The following ADGRB3 variants were observed in gnomAD, a reference collection of about 807,000 sequenced individuals.
ADGRB3 encodes the protein brain-specific angiogenesis inhibitor 3.
In ADGRB3, 37 loss-of-function variants were observed where a neutral mutation model predicts 193.4. The observed-to-expected ratio is 0.19, with a 90% CI of 0.15 to 0.25. ADGRB3 has a LOEUF of 0.25. Ranked by LOEUF, ADGRB3 falls within the 10% of genes least tolerant of loss-of-function variation. The pLI is 1.00. For missense variants in ADGRB3, 1,637 were observed against 1,852.9 expected (o/e 0.88, Z 2.14); for synonymous variants, 690 against 644.2 (o/e 1.07, Z -1.08).
chr6:69,025,186 C>A (rs191023716), intron 13 of ADGRB3, among the ~76,000 whole-genome samples: 3 of 152,150 alleles, frequency 2.0e-5, no homozygotes, highest in African/African-American at 4.8e-5. Context: ...GAAATTGAAT[C>A]CAAATTCAAC....
intron 3 of ADGRB3, among the ~76,000 whole-genome samples, chr6:68,772,776 G>C (rs905565867): frequency 6.7e-6 from 1 of 150,362 alleles, no homozygotes; most frequent in African/African-American, 2.4e-5. Flanking sequence ...CCAGCACTTT[G>C]GAAGGCCGAG....
chr6:69,129,462 GAAAAGAGTTT>G (rs140494604), intron 17 of ADGRB3, among the ~76,000 whole-genome samples: 1,776 of 152,092 alleles, frequency 0.012, 18 homozygotes, highest in South Asian at 0.021. Context: ...CAAATAAGGA[GAAAAGAGTTT>G]AAAAGAGCTT....
chr6:69,248,144 A>C (rs1442440964), intron 20 of ADGRB3, among the ~76,000 whole-genome samples: 1 of 152,128 alleles, frequency 6.6e-6, no homozygotes, highest in East Asian at 1.9e-4. Flanking sequence ...GAAATTACAA[A>C]TTTCTCCCTA....
At chr6:69,097,880 TA>T (rs1772928558) in intron 17 of ADGRB3, among the ~76,000 whole-genome samples, 1 of 152,090 alleles carries the variant, frequency 6.6e-6, no homozygotes, top group African/African-American at 2.4e-5. Context: ...ATTTTTAATG[TA>T]AACATTTATG....
intron 10 of ADGRB3, among the ~76,000 whole-genome samples, chr6:68,982,524 G>T (rs1180707067): frequency 6.6e-6 from 1 of 152,162 alleles, no homozygotes; most frequent in African/African-American, 2.4e-5. Flanking sequence ...GCCTTCAGAA[G>T]TTGCTAGTTC....
intron 17 of ADGRB3, among the ~76,000 whole-genome samples, chr6:69,121,048 T>C (rs1561925229): frequency 2.0e-5 from 3 of 150,200 alleles, no homozygotes; most frequent in Non-Finnish European, 3.0e-5. Flanking sequence ...TGGGTGTTTC[T>C]CAGAGAGGGG....
chr6:69,025,153 A>G (rs1338271894), intron 13 of ADGRB3, among the ~76,000 whole-genome samples: 1 of 152,120 alleles, frequency 6.6e-6, no homozygotes, highest in Non-Finnish European at 1.5e-5. Flanking sequence ...TGTCAGGATG[A>G]AAATTCATAG....
At chr6:69,328,858 A>G (rs1035203729) in intron 22 of ADGRB3, among the ~76,000 whole-genome samples, 2 of 152,154 alleles carry the variant, frequency 1.3e-5, no homozygotes, top group East Asian at 1.9e-4. Context: ...TTACAATAGC[A>G]TAATTATTGG....
intron 13 of ADGRB3, among the ~76,000 whole-genome samples, chr6:69,020,825 G>A (rs866869616): frequency 1.8e-4 from 28 of 152,086 alleles, no homozygotes; most frequent in African/African-American, 6.3e-4. Flanking sequence ...AGGGTTATGC[G>A]CCATAGTATT....
At chr6:69,302,608 G>A (rs187403515) in intron 20 of ADGRB3, among the ~76,000 whole-genome samples, 2 of 151,948 alleles carry the variant, frequency 1.3e-5, no homozygotes, top group Non-Finnish European at 1.5e-5. Context: ...AATATTTAAA[G>A]CTATTACACA....
intron 28 of ADGRB3, 40 bp downstream of exon 28, chr6:69,355,900 G>A (rs751334139): frequency 5.4e-6 from 8 of 1,471,726 alleles, no homozygotes; most frequent in Admixed American, 5.3e-5. Flanking sequence ...CAGTAGGGAT[G>A]TTCAATCATT....
At chr6:68,945,248 C>G (rs990614955) in intron 6 of ADGRB3, among the ~76,000 whole-genome samples, 2 of 152,000 alleles carry the variant, frequency 1.3e-5, no homozygotes, top group Non-Finnish European at 2.9e-5. Context: ...ATTTTACTGA[C>G]TAATATAAAT....
At chr6:69,101,597 T>G (rs995926383) in intron 17 of ADGRB3, among the ~76,000 whole-genome samples, 2 of 152,268 alleles carry the variant, frequency 1.3e-5, no homozygotes, top group African/African-American at 4.8e-5. Flanking sequence ...AAAAATAGAC[T>G]GTGAAAGACA....
At chr6:68,783,850 A>G (rs1562027794) in intron 3 of ADGRB3, among the ~76,000 whole-genome samples, 1 of 152,034 alleles carries the variant, frequency 6.6e-6, no homozygotes. Flanking sequence ...AGGAAACTGG[A>G]TGAATGCCAG....
At chr6:68,701,835 AC>A (rs1243425866) in intron 3 of ADGRB3, among the ~76,000 whole-genome samples, 3 of 152,212 alleles carry the variant, frequency 2.0e-5, no homozygotes, top group Non-Finnish European at 4.4e-5. Flanking sequence ...GTCGTAACAC[AC>A]CAGGAAACAT....
chr6:68,678,211 A>G (rs1764802739), intron 3 of ADGRB3, among the ~76,000 whole-genome samples: 1 of 152,192 alleles, frequency 6.6e-6, no homozygotes, highest in African/African-American at 2.4e-5. Flanking sequence ...TCTCAAATAA[A>G]TAAATGAATG....
At chr6:68,741,254 T>A (rs1765974936) in intron 3 of ADGRB3, among the ~76,000 whole-genome samples, 1 of 152,172 alleles carries the variant, frequency 6.6e-6, no homozygotes, top group Admixed American at 6.5e-5. Flanking sequence ...TTTATCCACA[T>A]CTTACAGATT....
At chr6:68,868,720 A>G (rs1041519355) in intron 3 of ADGRB3, among the ~76,000 whole-genome samples, 5 of 152,182 alleles carry the variant, frequency 3.3e-5, no homozygotes, top group Non-Finnish European at 5.9e-5. Flanking sequence ...GATAACTATT[A>G]TTATCTTTCT....
intron 3 of ADGRB3, among the ~76,000 whole-genome samples, chr6:68,913,412 G>A (rs943896804): frequency 2.6e-5 from 4 of 151,728 alleles, no homozygotes; most frequent in African/African-American, 4.9e-5. Flanking sequence ...TGCAGCCACC[G>A]CTGCTGATAC....
Sources: gnomAD v4.1 joint callset for allele counts (sites outside exome capture counted in the v4.1 genomes callset) on GRCh38, gnomAD v4.1.1 for gene constraint, MANE v1.5 for transcripts, NCBI Gene and HGNC (gene_info 2026-07-23, HGNC 2026-07-21) for gene names.